The following BCL11B variants were observed in gnomAD, a reference collection of about 807,000 sequenced individuals.
The protein encoded by BCL11B is B-cell lymphoma/leukemia 11B.
In BCL11B, 8 loss-of-function variants were observed where a neutral mutation model predicts 49.9. The ratio of observed to expected loss-of-function variants is 0.16; its 90% confidence interval spans 0.09 to 0.29. The LOEUF (loss-of-function observed/expected upper bound fraction) is 0.29, where lower values mean the gene tolerates loss of function less well. BCL11B is among the 10% of genes least tolerant of loss of function. The pLI is 1.00. For synonymous variants in BCL11B, 739 were observed against 637.4 expected (o/e 1.16, Z -2.40); for missense variants, 1,006 against 1,351.0 (o/e 0.74, Z 4.00).
At chr14:99,217,133 C>T (rs565211775) in intron 3 of BCL11B, among the ~76,000 whole-genome samples, 1 of 152,230 alleles carries the variant, frequency 6.6e-6, no homozygotes, top group South Asian at 2.1e-4. Context: ...TATGTGCACA[C>T]ACAAATACGT....
chr14:99,202,563 G>GCGCAAGGCAA (rs764408640), intron 3 of BCL11B, among the ~76,000 whole-genome samples: 100 of 152,300 alleles, frequency 6.6e-4, no homozygotes, highest in Non-Finnish European at 1.3e-3. Context: ...CTGAAGCCAT[G>GCGCAAGGCAA]CGCAAGGCAA....
intron 2 of BCL11B, among the ~76,000 whole-genome samples, chr14:99,235,009 G>C (rs2664312): frequency 1.3e-5 from 2 of 152,102 alleles, no homozygotes; most frequent in Admixed American, 1.3e-4. Flanking sequence ...CTCTCTTCTA[G>C]AGGGACTTTG....
Position 99,170,628 on chromosome 14 carries a change from G to A in BCL11B, c.*3523C>T, listed in dbSNP as rs551401166. ...GGATGGAGAGGAAACGCAGGGGAAG[G>A]AGAGAGAACGAGATATGGAAAGGCA... On this transcript the variant is annotated 3_prime_UTR_variant, in exon 4 of 4. Transcript: ENST00000357195. The A allele has an allele frequency of 3.0e-5, 7 of 233,168 alleles. No individual in the cohort carries two copies. The East Asian group carries it at 4.2e-4, about 14-fold the overall frequency. The allele number at this position is 233,168 out of a possible 1,614,324, so 14.4% of individuals were successfully genotyped here. A position where few individuals can be genotyped will look rare whatever the true frequency, so the allele number is the denominator to read the frequency against.
intron 2 of BCL11B, among the ~76,000 whole-genome samples, chr14:99,246,275 C>T (rs1888833995): frequency 6.6e-6 from 1 of 152,246 alleles, no homozygotes; most frequent in South Asian, 2.1e-4. Flanking sequence ...CCGCCCGGCT[C>T]AGGCAGCTGC....
chr14:99,176,077 C>T lies in BCL11B; in HGVS notation c.759G>A (p.Gly253=), dbSNP rs1054936601. 4.4e-6 allele frequency: 7 copies of T among 1,606,392 alleles called. No homozygotes were observed. The African/African-American group carries it at 5.4e-5, about 12-fold the overall frequency. ...GCGGCGTGAGCGAGCTGCTGGCCGG[C>T]CCGGGCTCCAGGTAGATGCGGAAGC... The part of the protein sequence containing the change: ...THGFRIYLEP[G]PASSSLTPRL... The change falls in exon 4 of 4, where the codon GGG becomes GGA. Residue 253 remains glycine, a synonymous_variant. Coordinates refer to ENST00000357195, the MANE Select transcript of BCL11B (RefSeq NM_138576.4).
rs1887068176 is a variant in BCL11B, at chr14:99,192,699, T to A, written c.641-16504A>T. Among the ~76,000 whole-genome samples the A allele has an allele frequency of 6.6e-6, 1 of 152,168 alleles. No individual in the cohort carries two copies. Among genetic ancestry groups the A allele is most frequent in the African/African-American group, 2.4e-5 (1 of 41,440 alleles). ...ATCTGATTCTCCTGCTTCCTAGCCT[T>A]GGCTGAACATGAATGAGTGAGCTCA... is the stretch of plus-strand genomic sequence containing the variant. On this transcript the variant is annotated intron_variant, in intron 3 of 3. Transcript: ENST00000357195. The surrounding 1 kb of genome is among the most constrained non-coding windows in gnomAD (Gnocchi z 4.0).
chr14:99,257,985 G>T lies in BCL11B; in HGVS notation c.59-146C>A. The T allele has an allele frequency of 9.6e-7, 1 of 1,037,386 alleles. No individual in the cohort carries two copies. Among genetic ancestry groups the T allele is most frequent in the Non-Finnish European group, 1.3e-6 (1 of 767,358 alleles). The allele number at this position is 1,037,386 out of a possible 1,614,324, so 64.3% of individuals were successfully genotyped here. A position where few individuals can be genotyped will look rare whatever the true frequency, so the allele number is the denominator to read the frequency against. ...TGCCAGAGCTCACCAGGTCCTCCCC[G>T]GGGTTGGGGGCTGGTGAGCATCCCC... On this transcript the variant is annotated intron_variant, in intron 1 of 3. Transcript: ENST00000357195. This position sits in a 1 kb window ranked among gnomAD's most constrained non-coding sequence, Gnocchi z 6.2.
At chr14:99,188,364 C>T (rs1595228454) in intron 3 of BCL11B, among the ~76,000 whole-genome samples, 1 of 152,286 alleles carries the variant, frequency 6.6e-6, no homozygotes. Context: ...CAAGTAATTT[C>T]CCCCCAGTGG....
At chr14:99,180,644 G>A (rs2139772634) in intron 3 of BCL11B, among the ~76,000 whole-genome samples, 1 of 152,328 alleles carries the variant, frequency 6.6e-6, no homozygotes, top group South Asian at 2.1e-4. Context: ...GACCAAATGA[G>A]CTCCTGTATG....
chr14:99,171,039 C>T lies in BCL11B; in HGVS notation c.*3112G>A, dbSNP rs1440178992. 4 of 231,154 alleles carry T rather than the reference C, an allele frequency of 1.7e-5. No homozygotes were observed. Among genetic ancestry groups the T allele is most frequent in the Non-Finnish European group, 3.4e-5 (4 of 116,616 alleles). 14.3% of individuals were successfully genotyped at this position (231,154 alleles called of 1,614,324 possible). A position where few individuals can be genotyped will look rare whatever the true frequency, so the allele number is the denominator to read the frequency against. ...TCTACATCTGACATCTTAGAGATGG[C>T]CTCTTAGAGAAAGGGAGGACGATGT... On this transcript the variant is annotated 3_prime_UTR_variant, in exon 4 of 4. Coordinates refer to ENST00000357195, the MANE Select transcript of BCL11B (RefSeq NM_138576.4).
intron 3 of BCL11B, among the ~76,000 whole-genome samples, chr14:99,206,673 T>A (rs1595245524): frequency 1.3e-5 from 2 of 152,386 alleles, no homozygotes; most frequent in Admixed American, 1.3e-4. Flanking sequence ...GCAAGGGCAA[T>A]GATGCTGGCA....
chr14:99,258,403 CT>C (rs765230044), intron 1 of BCL11B, among the ~76,000 whole-genome samples: 3 of 152,138 alleles, frequency 2.0e-5, no homozygotes, highest in Admixed American at 6.5e-5. Flanking sequence ...AGCCCCACCC[CT>C]CCCATCCCTT....
intron 3 of BCL11B, among the ~76,000 whole-genome samples, chr14:99,183,752 C>T (rs376443177): frequency 2.6e-5 from 4 of 151,970 alleles, no homozygotes; most frequent in East Asian, 3.9e-4. Flanking sequence ...TCATGGTCAG[C>T]GTTCCTGAAG....
chr14:99,239,889 A>G lies in BCL11B; in HGVS notation c.428-8332T>C, dbSNP rs865824992. Among the ~76,000 whole-genome samples the G allele has an allele frequency of 1.6e-4, 25 of 152,332 alleles. No individual in the cohort carries two copies. The Middle Eastern group carries it at 0.02, about 124-fold the overall frequency. ...GGCTGAGCTGCGAGAATCCCGGAGA[A>G]TTAAGAATGAAAATAAACAGCACAG... On this transcript the variant is annotated intron_variant, in intron 2 of 3. Transcript: ENST00000357195.
chr14:99,189,062 G>A (rs868260287), intron 3 of BCL11B, among the ~76,000 whole-genome samples: 3 of 152,230 alleles, frequency 2.0e-5, no homozygotes, highest in Non-Finnish European at 4.4e-5. Flanking sequence ...ATTTTGGGCC[G>A]ACGCAGATGG....
intron 1 of BCL11B, 147 bp downstream of exon 1, chr14:99,271,014 A>C (rs1889660335): frequency 3.7e-6 from 3 of 806,714 alleles, no homozygotes; most frequent in Non-Finnish European, 5.3e-6. Flanking sequence ...GCCCCCCGCC[A>C]TGCTCCAGGC....
At chr14:99,176,802 C>T (rs894769533) in intron 3 of BCL11B, among the ~76,000 whole-genome samples, 2 of 152,096 alleles carry the variant, frequency 1.3e-5, no homozygotes, top group African/African-American at 2.4e-5. Context: ...CAGGCCTTGC[C>T]GAATCTTCCC....
chr14:99,197,870 C>T (rs1374653281), intron 3 of BCL11B, among the ~76,000 whole-genome samples: 1 of 152,178 alleles, frequency 6.6e-6, no homozygotes, highest in African/African-American at 2.4e-5. Context: ...GGACAGCAGA[C>T]TCTGCTGTGC....
At chr14:99,185,273 CT>C (rs1405810378) in intron 3 of BCL11B, among the ~76,000 whole-genome samples, 4 of 151,906 alleles carry the variant, frequency 2.6e-5, no homozygotes, top group African/African-American at 9.7e-5. Flanking sequence ...CCCATCTCTA[CT>C]AAAAATACAA....
Sources: gnomAD v4.1 joint callset for allele counts (sites outside exome capture counted in the v4.1 genomes callset) on GRCh38, gnomAD v4.1.1 for gene constraint, Gnocchi (gnomAD v3.1) non-coding constraint, MANE v1.5 for transcripts, NCBI Gene and HGNC (gene_info 2026-07-23, HGNC 2026-07-21) for gene names.